Variants in SLCO1B3 observed in about 807,000 individuals in gnomAD.
SLCO1B3 encodes liver-specific organic anion transporter 2.
A neutral mutation model predicts 71.8 loss-of-function variants in SLCO1B3; 72 were observed. The ratio of observed to expected loss-of-function variants is 1.00; its 90% CI spans 0.83 to 1.22. SLCO1B3 has a LOEUF of 1.22. SLCO1B3 is among the 50% of genes most tolerant of loss of function. The pLI, the probability that SLCO1B3 is intolerant of heterozygous loss-of-function variation, is 0.00. For missense variants in SLCO1B3, 911 were observed against 819.7 expected (o/e 1.11, Z -1.36); for synonymous variants, 298 against 278.4 (o/e 1.07, Z -0.70).
At chr12:20,821,253 A>G (rs1248724386) in intron 3 of SLCO1B3, among the ~76,000 whole-genome samples, 1 of 152,162 alleles carries the variant, frequency 6.6e-6, no homozygotes, top group African/African-American at 2.4e-5. Context: ...TTTTACGACA[A>G]GAATTATTTA....
chr12:20,904,347 C>T (rs7953767), intron 15 of SLCO1B3, among the ~76,000 whole-genome samples: 22,211 of 152,044 alleles, frequency 0.15, 1,763 homozygotes, highest in Middle Eastern at 0.27. Context: ...GGTTACAAGC[C>T]CCATGCAAGT....
Position 20,875,417 on chromosome 12 carries a change from G to A in SLCO1B3, c.910G>A (p.Asp304Asn). Residue 304 changes from aspartate to asparagine, a missense_variant, in exon 9 of 16, where the codon GAT becomes AAT. By Grantham distance (23) the Asp-to-Asn change is conservative. Coordinates refer to ENST00000381545, the MANE Select transcript of SLCO1B3 (RefSeq NM_019844.4). ...ATTGCATGTGCTGAAAACAAATGAT[G>A]ATAGAAATCAAACAGCTAATTTGAC... is the stretch of plus-strand genomic sequence containing the variant. ...LSLHVLKTND[D>N]RNQTANLTNQ... 1 of 1,607,502 alleles carries A rather than the reference G, an allele frequency of 6.2e-7. No individual in the cohort carries two copies.
At position 20,823,190 on chromosome 12, in the gene SLCO1B3, G is replaced by A. The variant is rs369460752; in HGVS notation, c.84+7368G>A. 3.9e-4 allele frequency among the ~76,000 whole-genome samples: 59 copies of A among 152,238 alleles called. No homozygotes were observed. The South Asian group carries it at 6.0e-3, about 16-fold the overall frequency. ...CAGTAGGCACATATGAAAATGTTTC[G>A]TGTGTATAAATCGGTTTCTGTTATT... On this transcript the variant is annotated intron_variant, in intron 3 of 15. Coordinates refer to ENST00000381545, the MANE Select transcript of SLCO1B3 (RefSeq NM_019844.4).
In SLCO1B3 at chr12:20,916,003, G is replaced by A. The variant is rs775841158; in HGVS notation, c.1866-1G>A. The A allele has an allele frequency of 3.8e-6, 6 of 1,585,182 alleles. No homozygotes were observed. Among genetic ancestry groups the A allele is most frequent in the East Asian group, 2.2e-5 (1 of 44,544 alleles). On this transcript the variant is annotated splice_acceptor_variant, in intron 15 of 15. Transcript: ENST00000381545. LOFTEE classifies it high-confidence loss of function. Reference sequence around the variant, plus strand: ...CGACTCTCTATTTTCTCTTTTCACAGAAGGGTCTACTTGGGCTTATCTATA... The same window carrying A: ...CGACTCTCTATTTTCTCTTTTCACAAAAGGGTCTACTTGGGCTTATCTATA...
At chr12:20,812,664 G>A (rs1864129246) in intron 1 of SLCO1B3, among the ~76,000 whole-genome samples, 1 of 152,132 alleles carries the variant, frequency 6.6e-6, no homozygotes, top group South Asian at 2.1e-4. Context: ...GTTGTAAGAG[G>A]GATCTTTGAA....
rs756051143 is a variant in SLCO1B3, at chr12:20,916,249, A to G, written c.*2A>G. The G allele has an allele frequency of 1.2e-6, 2 of 1,610,108 alleles. No homozygotes were observed. The highest frequency in any genetic ancestry group is 3.4e-5 in the Admixed American group (2 of 59,538). ...CAAGACAATGCTGCTGCCAACTAAC[A>G]TTGCATTGATTCATTAAGATGTTAT... On this transcript the variant is annotated 3_prime_UTR_variant, in exon 16 of 16. Transcript: ENST00000381545.
intron 3 of SLCO1B3, among the ~76,000 whole-genome samples, chr12:20,834,562 C>T (rs1326141676): frequency 6.6e-6 from 1 of 150,868 alleles, no homozygotes; most frequent in Non-Finnish European, 1.5e-5. Context: ...TAGCATCTAT[C>T]TCTCTGTACC....
intron 1 of SLCO1B3, among the ~76,000 whole-genome samples, 196 bp downstream of exon 1, chr12:20,810,960 T>C (rs1335746928): frequency 6.6e-6 from 1 of 152,174 alleles, no homozygotes; most frequent in Non-Finnish European, 1.5e-5. Context: ...CAGATTTATA[T>C]ACTCAAAAAT....
At chr12:20,900,668 C>T (rs1469158190) in intron 14 of SLCO1B3, among the ~76,000 whole-genome samples, 1 of 152,086 alleles carries the variant, frequency 6.6e-6, no homozygotes, top group Non-Finnish European at 1.5e-5. Flanking sequence ...TAACCTGCAG[C>T]CCAGGTTGCT....
At chr12:20,901,793 C>G (rs1161273052) in intron 15 of SLCO1B3, 2 of 353,684 alleles carry the variant, frequency 5.7e-6, no homozygotes, top group East Asian at 1.0e-4. Context: ...AAGCTCTCTC[C>G]CACTGGCTTC....
At chr12:20,837,250 C>G (rs181701840) in intron 3 of SLCO1B3, among the ~76,000 whole-genome samples, 1 of 151,396 alleles carries the variant, frequency 6.6e-6, no homozygotes, top group Admixed American at 6.6e-5. Flanking sequence ...TTTTATGGAT[C>G]TTTCTAAAGA....
intron 13 of SLCO1B3, among the ~76,000 whole-genome samples, chr12:20,884,051 G>T (rs1865746476): frequency 6.6e-6 from 1 of 152,162 alleles, no homozygotes; most frequent in Admixed American, 6.5e-5. Context: ...CCCACAGCAT[G>T]GCTTTTGACC....
chr12:20,899,210 A>T (rs1866079127), intron 14 of SLCO1B3, among the ~76,000 whole-genome samples: 1 of 152,178 alleles, frequency 6.6e-6, no homozygotes, highest in African/African-American at 2.4e-5. Flanking sequence ...CCTTATTGCC[A>T]TTTGCCTTTT....
intron 3 of SLCO1B3, among the ~76,000 whole-genome samples, chr12:20,853,898 G>A (rs1346532425): frequency 7.1e-6 from 1 of 139,880 alleles, no homozygotes; most frequent in Non-Finnish European, 1.5e-5. Flanking sequence ...ATAAGTTTTG[G>A]TTTCTTGTGT....
At chr12:20,848,135 A>G (rs1864953493) in intron 3 of SLCO1B3, among the ~76,000 whole-genome samples, 1 of 152,140 alleles carries the variant, frequency 6.6e-6, no homozygotes. Context: ...GAACACTAAA[A>G]CTCAATGATA....
At chr12:20,837,264 AGTCTTTG>A (rs1346560981) in intron 3 of SLCO1B3, among the ~76,000 whole-genome samples, 1 of 151,884 alleles carries the variant, frequency 6.6e-6, no homozygotes, top group Non-Finnish European at 1.5e-5. Context: ...CTAAAGAACA[AGTCTTTG>A]GTTGTGTATA....
At chr12:20,884,991 T>C (rs143778404) in intron 13 of SLCO1B3, among the ~76,000 whole-genome samples, 349 of 152,294 alleles carry the variant, frequency 2.3e-3, no homozygotes, top group African/African-American at 7.9e-3. Flanking sequence ...CATTAACTTA[T>C]AAAAATTCAC....
chr12:20,837,281 A>G (rs922522840), intron 3 of SLCO1B3, among the ~76,000 whole-genome samples: 2 of 151,246 alleles, frequency 1.3e-5, no homozygotes, highest in Non-Finnish European at 3.0e-5. Context: ...GGTTGTGTAT[A>G]TTTTCTCTAT....
chr12:20,861,122 T>A lies in SLCO1B3; in HGVS notation c.465T>A (p.Pro155=). 6.3e-7 allele frequency: 1 copy of A among 1,584,478 alleles called. No homozygotes were observed. Among genetic ancestry groups the A allele is most frequent in the Non-Finnish European group, 8.6e-7 (1 of 1,167,454 alleles). Reference sequence around the variant, plus strand: ...CCTTATCATTCAATGGAACATCACCTGAGATAGTAGAAAAAGGTAAGAATT... The same window carrying A: ...CCTTATCATTCAATGGAACATCACCAGAGATAGTAGAAAAAGGTAAGAATT... ...NQTLSFNGTS[P]EIVEKDCVKE... is the part of the protein sequence containing the mutation. Residue 155 remains proline, a synonymous_variant, in exon 6 of 16, where the codon CCT becomes CCA. Transcript: ENST00000381545.
Sources: allele counts gnomAD v4.1 joint callset (sites outside exome capture counted in the v4.1 genomes callset), GRCh38; gene constraint gnomAD v4.1.1; transcripts MANE v1.5; gene names NCBI Gene and HGNC (gene_info 2026-07-23, HGNC 2026-07-21).